DDX31: variants seen among roughly 807,000 people sequenced by gnomAD.
DDX31 encodes the protein DEAD-box helicase 31.
DDX31 carries 70 observed loss-of-function variants against 91.3 expected under a neutral mutation model. That is an observed-to-expected ratio of 0.77 (90% CI 0.63 to 0.94). DDX31 has a LOEUF of 0.94. Among genes scored for constraint, DDX31 ranks in the 40% least tolerant of loss-of-function variants. The pLI is 0.00. For missense variants in DDX31, 902 were observed against 925.0 expected (o/e 0.98, Z 0.32); for synonymous variants, 362 against 350.6 (o/e 1.03, Z -0.36).
intron 14 of DDX31, among the ~76,000 whole-genome samples, chr9:132,632,398 G>C (rs956764114): frequency 2.0e-5 from 3 of 151,670 alleles, no homozygotes; most frequent in Admixed American, 1.3e-4. Flanking sequence ...CATTGATGAG[G>C]GAGTCACAAC....
rs1404305352 is a variant in DDX31 at position 132,595,552 on chromosome 9, G to C, written c.1995-440C>G. Among the ~76,000 whole-genome samples the C allele has an allele frequency of 6.6e-6, 1 of 152,202 alleles. No individual in the cohort carries two copies. Among genetic ancestry groups the C allele is most frequent in the Non-Finnish European group, 1.5e-5 (1 of 68,038 alleles). On this transcript the variant is annotated intron_variant, in intron 19 of 19. Coordinates refer to ENST00000372159, the MANE Select transcript of DDX31 (RefSeq NM_022779.9). The surrounding 1 kb of genome is among the most constrained non-coding windows in gnomAD (Gnocchi z 4.6). ...GCAACTGGCCTCCTCATGGGCTCCT[G>C]AGGGCTTCAGGACTCAGCCCTGCGG...
chr9:132,619,559 G>A (rs1190442556), intron 17 of DDX31, among the ~76,000 whole-genome samples: 1 of 152,192 alleles, frequency 6.6e-6, no homozygotes, highest in Non-Finnish European at 1.5e-5. Context: ...CTCATTCTCT[G>A]GATCGACGTT....
intron 19 of DDX31, among the ~76,000 whole-genome samples, chr9:132,608,832 T>C (rs1260647183): frequency 6.6e-6 from 1 of 152,190 alleles, no homozygotes; most frequent in African/African-American, 2.4e-5. Context: ...TAATGGACTT[T>C]TCTTTCCAGT....
In DDX31 at chr9:132,612,260, A is replaced by C; in HGVS notation, c.1826-5T>G. ...CTTGGATGAAGGACTGCAGAGCTGA[A>C]AGAAAAGAGAGCGGGGAGGGAAGCT... is the stretch of plus-strand genomic sequence containing the variant. On this transcript the variant is annotated splice_region_variant and splice_polypyrimidine_tract_variant and intron_variant, in intron 18 of 19. Coordinates refer to ENST00000372159, the MANE Select transcript of DDX31 (RefSeq NM_022779.9). The C allele has an allele frequency of 6.2e-7, 1 of 1,614,172 alleles. No homozygotes were observed. Among genetic ancestry groups the C allele is most frequent in the South Asian group, 1.1e-5 (1 of 91,086 alleles).
intron 1 of DDX31, among the ~76,000 whole-genome samples, chr9:132,666,378 G>C (rs975655257): frequency 6.6e-6 from 1 of 151,664 alleles, no homozygotes; most frequent in Non-Finnish European, 1.5e-5. Context: ...ATCATGTGTA[G>C]TGATTCCAAT....
At chr9:132,596,326 C>T (rs1589948675) in intron 19 of DDX31, among the ~76,000 whole-genome samples, 1 of 152,214 alleles carries the variant, frequency 6.6e-6, no homozygotes. Context: ...TGTTTCTAAT[C>T]ACACTCCAGA....
intron 17 of DDX31, among the ~76,000 whole-genome samples, chr9:132,623,941 TGA>T (rs1276027052): frequency 1.3e-5 from 2 of 151,046 alleles, no homozygotes; most frequent in African/African-American, 4.9e-5. Flanking sequence ...CCAAGGCGGG[TGA>T]ATCATGGGGT....
In DDX31 at chr9:132,662,292, G is replaced by A. The variant is rs1046091733; in HGVS notation, c.377C>T (p.Ala126Val). 6 of 1,614,088 alleles carry A rather than the reference G, an allele frequency of 3.7e-6. No individual in the cohort carries two copies. The highest frequency in any genetic ancestry group is 5.1e-6 in the Non-Finnish European group (6 of 1,180,046). ...TGGGTGGAGGCCCAGCTCATGAAAAGCAGCTGAAGTAAACACTTTTTCTTG... is the reference window on the plus strand; with the variant it reads ...TGGGTGGAGGCCCAGCTCATGAAAAACAGCTGAAGTAAACACTTTTTCTTG... ...QVQEKVFTSA[A>V]FHELGLHPHL... Residue 126 changes from alanine to valine, a missense_variant, in exon 3 of 20, where the codon GCT becomes GTT. Ala to Val is a moderately conservative substitution (Grantham distance 64). Coordinates refer to ENST00000372159, the MANE Select transcript of DDX31 (RefSeq NM_022779.9).
intron 16 of DDX31, among the ~76,000 whole-genome samples, chr9:132,627,163 T>C (rs1315166318): frequency 1.3e-5 from 2 of 152,088 alleles, no homozygotes; most frequent in African/African-American, 2.4e-5. Context: ...TGGAGTCAAA[T>C]CTTGAAGCAG....
chr9:132,632,310 A>ACACACACACACACACACACACAC (rs1192130475), intron 14 of DDX31, among the ~76,000 whole-genome samples: 5 of 147,886 alleles, frequency 3.4e-5, no homozygotes, highest in East Asian at 2.0e-4. Flanking sequence ...TCCTGCATAC[A>ACACACACACACACACACACACAC]ACTTCAGGGG....
In DDX31 at chr9:132,616,785, G is replaced by A. The variant is rs572904545; in HGVS notation, c.1825+1545C>T. On this transcript the variant is annotated intron_variant, in intron 18 of 19. Coordinates refer to ENST00000372159, the MANE Select transcript of DDX31 (RefSeq NM_022779.9). The stretch of plus-strand genomic sequence containing the variant: ...AATGCCAAGACAGGATATTATTAGA[G>A]AAAAGTCTAGAAGGATATACAATGG... Among the ~76,000 whole-genome samples, 7 of 152,312 alleles carry A rather than the reference G, an allele frequency of 4.6e-5. No individual in the cohort carries two copies. In the South Asian group the frequency reaches 1.4e-3, roughly 32 times the overall value.
chr9:132,606,079 G>A lies in DDX31; in HGVS notation c.1994+6008C>T, dbSNP rs529526284. 2.6e-5 allele frequency among the ~76,000 whole-genome samples: 4 copies of A among 152,330 alleles called. No homozygotes were observed. In the East Asian group the frequency reaches 7.7e-4, roughly 29 times the overall value. On this transcript the variant is annotated intron_variant, in intron 19 of 19. Transcript: ENST00000372159. ...GGGATCAACAGTGTTGGATGCGGCTGAGATGGAGTAGATAAGCACTGACTC... is the reference window on the plus strand; with the variant it reads ...GGGATCAACAGTGTTGGATGCGGCTAAGATGGAGTAGATAAGCACTGACTC...
chr9:132,632,984 C>T (rs1284066467), intron 14 of DDX31, among the ~76,000 whole-genome samples: 2 of 152,132 alleles, frequency 1.3e-5, no homozygotes, highest in Non-Finnish European at 2.9e-5. Context: ...GAATAACAGT[C>T]GTAACAAGAG....
At position 132,659,791 on chromosome 9, in the gene DDX31, C is replaced by T. The variant is rs372087191; in HGVS notation, c.453-11G>A. 151 of 1,611,400 alleles carry T rather than the reference C, an allele frequency of 9.4e-5. No individual in the cohort carries two copies. The highest frequency in any genetic ancestry group is 1.6e-4 in the Middle Eastern group (1 of 6,082). On this transcript the variant is annotated splice_polypyrimidine_tract_variant and intron_variant, in intron 4 of 19. Transcript: ENST00000372159. ...CTTTGCTTCTGAACACTGGGCCACC[C>T]GAAAAAAAGAACACACTTTACCTAT...
intron 19 of DDX31, among the ~76,000 whole-genome samples, chr9:132,605,205 T>C (rs17146661): frequency 0.011 from 1,745 of 152,306 alleles, 32 homozygotes; most frequent in African/African-American, 0.04. Context: ...CTCAGAATTA[T>C]AGGACATTTT....
chr9:132,643,412 T>G (rs1762916218), intron 13 of DDX31, among the ~76,000 whole-genome samples: 1 of 152,254 alleles, frequency 6.6e-6, no homozygotes, highest in Non-Finnish European at 1.5e-5. Context: ...TCTGCCGCTT[T>G]GGCACAGTCA....
chr9:132,604,633 C>T (rs1830910828), intron 19 of DDX31, among the ~76,000 whole-genome samples: 1 of 152,158 alleles, frequency 6.6e-6, no homozygotes, highest in Non-Finnish European at 1.5e-5. Flanking sequence ...TCTCACTCTT[C>T]ATAATTTTAG....
Position 132,593,537 on chromosome 9 carries a change from G to GA in DDX31, c.*1328dup, listed in dbSNP as rs1830298959. 1.3e-5 allele frequency: 2 copies of GA among 152,150 alleles called. No homozygotes were observed. The highest frequency in any genetic ancestry group is 2.9e-5 in the Non-Finnish European group (2 of 68,034). The allele number at this position is 152,150 out of a possible 1,614,324, so 9.4% of individuals were successfully genotyped here. ...CCACAGTCCCTGTTAATTTGTATGT[G>GA]ACAGCCAACTCTGAGAAGGTCCTAT... On this transcript the variant is annotated 3_prime_UTR_variant, in exon 20 of 20. Coordinates refer to ENST00000372159, the MANE Select transcript of DDX31 (RefSeq NM_022779.9).
intron 13 of DDX31, 144 bp downstream of exon 13, chr9:132,645,751 C>T (rs1224061685): frequency 1.2e-5 from 10 of 838,702 alleles, no homozygotes; most frequent in African/African-American, 1.7e-5. Flanking sequence ...CACCCATTTT[C>T]GTCTCATTCT....
Sources: allele counts gnomAD v4.1 joint callset (sites outside exome capture counted in the v4.1 genomes callset), GRCh38; gene constraint gnomAD v4.1.1; non-coding constraint Gnocchi (gnomAD v3.1); transcripts MANE v1.5; gene names NCBI Gene and HGNC (gene_info 2026-07-23, HGNC 2026-07-21).